LARGE2: variants seen among roughly 807,000 people sequenced by gnomAD.
LARGE2 encodes xylosyl- and glucuronyltransferase LARGE2.
Under a neutral mutation model 75.3 loss-of-function variants are expected in LARGE2, and 63 were observed. The ratio of observed to expected loss-of-function variants is 0.84; its 90% CI spans 0.68 to 1.03. The LOEUF (loss-of-function observed/expected upper bound fraction) is 1.03, where lower values mean the gene tolerates loss of function less well. Among genes scored for constraint, LARGE2 ranks in the 50% least tolerant of loss-of-function variants. The pLI is 0.00. For missense variants in LARGE2, 925 were observed against 980.6 expected, an observed-to-expected ratio of 0.94 and a Z score of 0.76; for synonymous variants, 428 against 420.1, an observed-to-expected ratio of 1.02 and a Z score of -0.23.
upstream of LARGE2, among the ~76,000 whole-genome samples, chr11:45,921,964 G>A (rs1444913399): frequency 2.0e-5 from 3 of 152,172 alleles, no homozygotes; most frequent in Non-Finnish European, 4.4e-5. Context: ...TATGGGGTGC[G>A]CGGGGGAGAG....
At chr11:45,927,714 G>A (rs1394653571) in intron 11 of LARGE2, 121 bp downstream of exon 11, 2 of 1,474,756 alleles carry the variant, frequency 1.4e-6, no homozygotes, top group African/African-American at 1.4e-5. Flanking sequence ...GTCAATTGGG[G>A]TTTGTATTAG....
rs2087401779 is a variant in LARGE2 at position 45,928,813 on chromosome 11, C to T, written c.2134C>T (p.Leu712=). Reference sequence around the variant, plus strand: ...TGCTGCCCTCAAATACCTCCCAGCCCTGCAGCAGCCCCAGAGCCCTGCCCG... The same window carrying T: ...TGCTGCCCTCAAATACCTCCCAGCCTTGCAGCAGCCCCAGAGCCCTGCCCG... ...GAAALKYLPA[L]QQPQSPARG Residue 712 remains leucine, a synonymous_variant, in exon 14 of 14, where the codon CTG becomes TTG. Transcript: ENST00000401752. 1.2e-6 allele frequency: 2 copies of T among 1,613,454 alleles called. No homozygotes were observed. Among genetic ancestry groups the T allele is most frequent in the Non-Finnish European group, 1.7e-6 (2 of 1,179,966 alleles).
intron 11 of LARGE2, 59 bp from the exon 12 acceptor site, chr11:45,927,861 C>T: frequency 6.2e-7 from 1 of 1,607,072 alleles, no homozygotes; most frequent in East Asian, 2.2e-5. Flanking sequence ...TGATGAGTGT[C>T]ACTGGCCCAG....
chr11:45,926,396 C>T (rs1192446751), intron 8 of LARGE2, 46 bp from the exon 9 acceptor site: 1 of 1,613,634 alleles, frequency 6.2e-7, no homozygotes, highest in Non-Finnish European at 8.5e-7. Context: ...TGGATGGAGA[C>T]TTCTGCTCCC....
At position 45,928,282 on chromosome 11, in the gene LARGE2, G is replaced by A; in HGVS notation, c.1860G>A (p.Val620=). 3 of 1,614,118 alleles carry A rather than the reference G, an allele frequency of 1.9e-6. No individual in the cohort carries two copies. The highest frequency in any genetic ancestry group is 1.3e-5 in the African/African-American group (1 of 75,066). Residue 620 remains valine (V), a synonymous_variant, in exon 13 of 14, where the codon GTG becomes GTA. Coordinates refer to ENST00000401752, the MANE Select transcript of LARGE2 (RefSeq NM_001300721.2). ...VQWAANYEPY[V]VVPRDCPRYD... ...GGGCGGCCAACTATGAACCCTACGTGGTGGTGCCACGAGACTGTCCCCGCT... is the reference window on the plus strand; with the variant it reads ...GGGCGGCCAACTATGAACCCTACGTAGTGGTGCCACGAGACTGTCCCCGCT...
chr11:45,927,616 G>T, intron 11 of LARGE2, 23 bp downstream of exon 11: 1 of 1,608,990 alleles, frequency 6.2e-7, no homozygotes. Context: ...GCAGAGAGGG[G>T]AACAATATAT....
chr11:45,926,893 C>CA (rs1030152727), intron 10 of LARGE2, 22 bp downstream of exon 10: 1 of 1,593,756 alleles, frequency 6.3e-7, no homozygotes, highest in Non-Finnish European at 8.5e-7. Context: ...GAGGGCAGCC[C>CA]AGGGGGTATG....
At chr11:45,924,062 T>C (rs1373997492) in intron 3 of LARGE2, 92 bp from the exon 4 acceptor site, 38 of 1,351,448 alleles carry the variant, frequency 2.8e-5, no homozygotes, top group Non-Finnish European at 3.7e-5. Context: ...TCTTTGCAGA[T>C]GGCGCTTCCA....
chr11:45,928,317 G>T lies in LARGE2; in HGVS notation c.1895G>T (p.Arg632Leu). The part of the protein sequence containing the change: ...VPRDCPRYDP[R>L]FVGFGWNKVA... ...CGAGACTGTCCCCGCTATGATCCTC[G>T]CTTTGTGGGCTTCGGCTGGAACAAA... is the stretch of plus-strand genomic sequence containing the variant. Residue 632 changes from arginine (R) to leucine (L), a missense_variant, in exon 13 of 14, where the codon CGC (arginine) becomes CTC (leucine). Coordinates refer to ENST00000401752, the MANE Select transcript of LARGE2 (RefSeq NM_001300721.2). 1 of 1,614,162 alleles carries T rather than the reference G, an allele frequency of 6.2e-7. No individual in the cohort carries two copies.
rs17853729 is a variant in LARGE2, at chr11:45,922,991, G to A, written c.109G>A (p.Glu37Lys). The A allele has an allele frequency of 8.5e-4, 1,141 of 1,343,954 alleles. 9 individuals are homozygous for A. The African/African-American group carries it at 0.016, about 19-fold the overall frequency. 83.3% of individuals were successfully genotyped at this position (1,343,954 alleles called of 1,614,324 possible). Reference protein sequence around the residue: ...FGGDLGCERREPGGRAGAPGC... With the variant: ...FGGDLGCERRKPGGRAGAPGC... ...TGGGGACCTGGGGTGTGAGCGCCGC[G>A]AGCCTGGCGGGCGAGCGGGGGCCCC... The change falls in exon 2 of 14, where the codon GAG becomes AAG. Residue 37 changes from glutamate (E) to lysine (K), a missense_variant. By Grantham distance (56) the Glu-to-Lys change is moderately conservative. Around this residue, in one of 3 missense-constraint regions of LARGE2, gnomAD observed 453 missense variants for 460.2 expected, o/e 0.98. Coordinates refer to ENST00000401752, the MANE Select transcript of LARGE2 (RefSeq NM_001300721.2).
chr11:45,928,838 G>A lies in LARGE2; in HGVS notation c.2159G>A (p.Arg720Gln), dbSNP rs758308941. The A allele has an allele frequency of 1.6e-5, 26 of 1,613,098 alleles. No individual in the cohort carries two copies. Among genetic ancestry groups the A allele is most frequent in the Middle Eastern group, 1.6e-4 (1 of 6,062 alleles). ...PALQQPQSPARG is the reference protein window; with the variant it reads ...PALQQPQSPAQG ...CTGCAGCAGCCCCAGAGCCCTGCCC[G>A]AGGCTGAGGCTGGGCCGGCGCTGCC... The change falls in exon 14 of 14, where the codon CGA becomes CAA. Residue 720 changes from arginine (R) to glutamine (Q), a missense_variant. Transcript: ENST00000401752.
At chr11:45,925,815 T>C (rs929195647) in intron 6 of LARGE2, among the ~76,000 whole-genome samples, 1 of 152,048 alleles carries the variant, frequency 6.6e-6, no homozygotes, top group East Asian at 1.9e-4. Context: ...TGAGTCATGA[T>C]TGTGCCACTG....
chr11:45,927,784 G>T, intron 11 of LARGE2, 136 bp from the exon 12 acceptor site: 1 of 1,457,512 alleles, frequency 6.9e-7, no homozygotes, highest in Non-Finnish European at 9.5e-7. Context: ...AGCTCCACCT[G>T]TGGTTGTGCC....
intron 13 of LARGE2, 74 bp downstream of exon 13, chr11:45,928,446 T>C (rs1015966755): frequency 1.0e-5 from 16 of 1,555,890 alleles, no homozygotes; most frequent in Admixed American, 5.3e-5. Flanking sequence ...GACACCTGCA[T>C]GGGGGACCAC....
chr11:45,923,490 C>G lies in LARGE2; in HGVS notation c.303C>G (p.Ile101Met). ...CTCCCCAGCTCTTGCATGTGGCCAT[C>G]GTGTGTGCGGGGCATAACTCCAGCC... ...PPKCELLHVA[I>M]VCAGHNSSRD... The change falls in exon 3 of 14, where the codon ATC becomes ATG. Residue 101 changes from isoleucine (I) to methionine (M), a missense_variant. Around this residue, in one of 3 missense-constraint regions of LARGE2, gnomAD observed 453 missense variants for 460.2 expected, o/e 0.98. Coordinates refer to ENST00000401752, the MANE Select transcript of LARGE2 (RefSeq NM_001300721.2). The G allele has an allele frequency of 6.2e-7, 1 of 1,613,784 alleles. No individual in the cohort carries two copies. Among genetic ancestry groups the G allele is most frequent in the Non-Finnish European group, 8.5e-7 (1 of 1,179,970 alleles).
At chr11:45,925,381 C>T (rs1487796797) in intron 6 of LARGE2, among the ~76,000 whole-genome samples, 4 of 152,010 alleles carry the variant, frequency 2.6e-5, no homozygotes, top group Non-Finnish European at 5.9e-5. Flanking sequence ...ATTGACCAGT[C>T]GCAGTGGCTC....
rs760665674 is a variant in LARGE2, at chr11:45,928,638, G to A, written c.1959G>A (p.Glu653=). The A allele has an allele frequency of 3.1e-6, 5 of 1,613,390 alleles. No individual in the cohort carries two copies. In the Admixed American group the frequency reaches 6.7e-5, roughly 22 times the overall value. Residue 653 remains glutamate (E), a synonymous_variant, in exon 14 of 14, where the codon GAG becomes GAA. Transcript: ENST00000401752. ...HIVELDAQEY[E]LLVLPEAFTI... ...TCTGCCCCACCCTGCAGGAATATGA[G>A]CTCCTGGTGCTGCCCGAGGCCTTCA...
chr11:45,925,615 C>G (rs191137061), intron 6 of LARGE2, among the ~76,000 whole-genome samples: 45 of 152,198 alleles, frequency 3.0e-4, no homozygotes, highest in African/African-American at 1.1e-3. Context: ...GAGTTCACAC[C>G]ACTGTACTCC....
rs746905822 is a variant in LARGE2, at chr11:45,923,455, C to G, written c.286-18C>G. On this transcript the variant is annotated intron_variant, in intron 2 of 13. Transcript: ENST00000401752. ...GCGGAGAAGGGGGGCTGCTGCCGAC[C>G]TGGGCGTCCCTCCCCAGCTCTTGCA... is the stretch of plus-strand genomic sequence containing the variant. 2 of 1,611,956 alleles carry G rather than the reference C, an allele frequency of 1.2e-6. No individual in the cohort carries two copies. Among genetic ancestry groups the G allele is most frequent in the Admixed American group, 3.3e-5 (2 of 59,972 alleles).
Sources: gnomAD v4.1 joint callset for allele counts (sites outside exome capture counted in the v4.1 genomes callset) on GRCh38, gnomAD v4.1.1 for gene constraint, gnomAD v4.1.1 regional missense constraint, MANE v1.5 for transcripts, NCBI Gene and HGNC (gene_info 2026-07-23, HGNC 2026-07-21) for gene names.